The following OLFM2 variants were observed in gnomAD, a reference collection of about 807,000 sequenced individuals.
OLFM2 encodes noelin-2.
In OLFM2, 20 loss-of-function variants were observed where a neutral mutation model predicts 43.9. The observed-to-expected ratio is 0.46, with a 90% CI of 0.32 to 0.66. The LOEUF (loss-of-function observed/expected upper bound fraction) is 0.66, where lower values mean the gene tolerates loss of function less well. Ranked by LOEUF, OLFM2 falls within the 30% of genes least tolerant of loss-of-function variation. The probability of loss-of-function intolerance (pLI) is 0.04; values close to 1 mark genes in which losing one functional copy is unlikely to be tolerated. For missense variants in OLFM2, 416 were observed against 643.6 expected (o/e 0.65, Z 3.83); for synonymous variants, 268 against 278.6 (o/e 0.96, Z 0.38).
At chr19:9,916,339 A>G (rs1599499290) in intron 1 of OLFM2, among the ~76,000 whole-genome samples, 1 of 152,294 alleles carries the variant, frequency 6.6e-6, no homozygotes, top group East Asian at 1.9e-4. Context: ...CCTGGGCGAC[A>G]GACGAGTGAG....
chr19:9,888,159 G>A (rs182300109), intron 1 of OLFM2, among the ~76,000 whole-genome samples: 1 of 152,098 alleles, frequency 6.6e-6, no homozygotes, highest in East Asian at 1.9e-4. Flanking sequence ...CTTTGCACTG[G>A]CTATCCCCTC....
intron 1 of OLFM2, among the ~76,000 whole-genome samples, chr19:9,880,742 C>T (rs1278668339): frequency 1.3e-5 from 2 of 152,200 alleles, no homozygotes; most frequent in African/African-American, 2.4e-5. Flanking sequence ...TGATTTCAGA[C>T]TTCAAGCCTC....
intron 1 of OLFM2, among the ~76,000 whole-genome samples, chr19:9,923,391 C>T (rs1170935888): frequency 2.6e-5 from 4 of 151,608 alleles, no homozygotes; most frequent in Non-Finnish European, 4.4e-5. Context: ...CCTGTCTCTA[C>T]TAAAAATACA....
Position 9,919,789 on chromosome 19 carries a change from ATTTTT to A in OLFM2, c.63+16510_63+16514del, listed in dbSNP as rs750249042. Among the ~76,000 whole-genome samples, 280 of 90,574 alleles carry A rather than the reference ATTTTT, an allele frequency of 3.1e-3. 2 individuals carry two copies. The highest frequency in any genetic ancestry group is 0.013 in the African/African-American group (276 of 21,028). 59.4% of individuals were successfully genotyped at this position (90,574 alleles called of 152,430 possible). On this transcript the variant is annotated intron_variant, in intron 1 of 5. Transcript: ENST00000264833. The stretch of plus-strand genomic sequence containing the variant: ...AAGCCACCACACCTGGACCACTGCC[ATTTTT>A]TTTTTTTTTTTTTTTTTTGAGACAG...
chr19:9,931,772 TTGCC>T (rs2086484191), intron 1 of OLFM2, among the ~76,000 whole-genome samples: 1 of 152,078 alleles, frequency 6.6e-6, no homozygotes, highest in African/African-American at 2.4e-5. Flanking sequence ...TCTTGCTGTA[TTGCC>T]CAGGCTGGTC....
intron 1 of OLFM2, among the ~76,000 whole-genome samples, chr19:9,884,495 T>C (rs1394374485): frequency 6.6e-6 from 1 of 152,018 alleles, no homozygotes; most frequent in Non-Finnish European, 1.5e-5. Context: ...GAGAATCGCT[T>C]GAACCTGGGA....
chr19:9,897,039 A>C (rs553585795), intron 1 of OLFM2, among the ~76,000 whole-genome samples: 122 of 152,260 alleles, frequency 8.0e-4, no homozygotes, highest in African/African-American at 2.9e-3. Flanking sequence ...AAAAAATTAG[A>C]GGATGTGGGC....
chr19:9,859,454 C>A (rs924247037), intron 2 of OLFM2, among the ~76,000 whole-genome samples: 1 of 152,120 alleles, frequency 6.6e-6, no homozygotes, highest in Non-Finnish European at 1.5e-5. Context: ...GTAGGTGGGA[C>A]TACAGGCACA....
chr19:9,901,416 A>G (rs1485761344), intron 1 of OLFM2, among the ~76,000 whole-genome samples: 2 of 151,310 alleles, frequency 1.3e-5, no homozygotes, highest in Admixed American at 6.6e-5. Flanking sequence ...ACAGAGTGAG[A>G]CTCTGTCTCA....
chr19:9,926,124 G>A (rs945371688), intron 1 of OLFM2, among the ~76,000 whole-genome samples: 2 of 151,798 alleles, frequency 1.3e-5, no homozygotes, highest in African/African-American at 4.8e-5. Context: ...GTGATGGAGA[G>A]AGACCTCCTC....
chr19:9,867,809 C>T (rs944081726), intron 1 of OLFM2, among the ~76,000 whole-genome samples: 7 of 152,116 alleles, frequency 4.6e-5, no homozygotes, highest in African/African-American at 9.7e-5. Flanking sequence ...TTGTGGACAG[C>T]ATCTGATTGT....
intron 1 of OLFM2, among the ~76,000 whole-genome samples, chr19:9,888,465 G>A (rs938542324): frequency 1.1e-4 from 17 of 149,614 alleles, no homozygotes; most frequent in East Asian, 8.0e-4. Flanking sequence ...CGGAGGTTGC[G>A]GTGAGCTGAG....
At chr19:9,891,931 A>G (rs2046643228) in intron 1 of OLFM2, among the ~76,000 whole-genome samples, 2 of 152,196 alleles carry the variant, frequency 1.3e-5, no homozygotes. Flanking sequence ...AACTATGCAT[A>G]TGAATGTATA....
chr19:9,857,461 C>T lies in OLFM2; in HGVS notation c.382G>A (p.Glu128Lys), dbSNP rs1006248870. 1 of 1,613,820 alleles carries T rather than the reference C, an allele frequency of 6.2e-7. No homozygotes were observed. Among genetic ancestry groups the T allele is most frequent in the Non-Finnish European group, 8.5e-7 (1 of 1,180,034 alleles). Reference sequence around the variant, plus strand: ...AGGACCGAGCTCAGGGGCAACAGTTCCGTCATCCTGTCCTTCAGCTCCTGT... The same window carrying T: ...AGGACCGAGCTCAGGGGCAACAGTTTCGTCATCCTGTCCTTCAGCTCCTGT... ...SFQELKDRMT[E>K]LLPLSSVLEQ... The change falls in exon 4 of 6, where the codon GAA (glutamate) becomes AAA (lysine). Residue 128 changes from glutamate to lysine, a missense_variant. By Grantham distance (56) the Glu-to-Lys change is moderately conservative. Transcript: ENST00000264833. The surrounding 1 kb of genome is among the most constrained non-coding windows in gnomAD (Gnocchi z 5.7).
At chr19:9,866,497 C>CTTT (rs35368530) in intron 1 of OLFM2, among the ~76,000 whole-genome samples, 162 of 125,554 alleles carry the variant, frequency 1.3e-3, no homozygotes, top group South Asian at 3.7e-3. Context: ...AGCCAACCCA[C>CTTT]TTTTTTTTTT....
At chr19:9,879,032 T>C (rs2046516234) in intron 1 of OLFM2, among the ~76,000 whole-genome samples, 1 of 151,952 alleles carries the variant, frequency 6.6e-6, no homozygotes, top group South Asian at 2.1e-4. Flanking sequence ...CAAATTGTAA[T>C]CCCCAATGCT....
At chr19:9,861,982 T>G (rs1300162176) in intron 1 of OLFM2, among the ~76,000 whole-genome samples, 1 of 148,866 alleles carries the variant, frequency 6.7e-6, no homozygotes, top group African/African-American at 2.5e-5. Flanking sequence ...ACTGCGCCAC[T>G]GCGCTCCAGC....
Position 9,936,338 on chromosome 19 carries a change from AGCG to A in OLFM2, c.26_28del (p.Pro9del), listed in dbSNP as rs1476243446. ...CAGGCCTGAGCACAGCAGCAGCAGCAGCGGCGGCGGGACCGTGAGCGGCCACAT... is the reference window on the plus strand; with the variant it reads ...CAGGCCTGAGCACAGCAGCAGCAGCAGCGGCGGGACCGTGAGCGGCCACAT... On this transcript the variant is annotated inframe_deletion, in exon 1 of 6. Transcript: ENST00000264833. The A allele has an allele frequency of 8.0e-6, 12 of 1,503,514 alleles. No individual in the cohort carries two copies. The South Asian group carries it at 1.2e-4, about 15-fold the overall frequency. The allele number at this position is 1,503,514 out of a possible 1,614,324, so 93.1% of individuals were successfully genotyped here.
At chr19:9,907,058 G>A (rs965477410) in intron 1 of OLFM2, among the ~76,000 whole-genome samples, 2 of 152,162 alleles carry the variant, frequency 1.3e-5, no homozygotes, top group Admixed American at 6.5e-5. Context: ...GGGGTCACCC[G>A]GAGCTTGGGA....
Sources: allele counts gnomAD v4.1 joint callset (sites outside exome capture counted in the v4.1 genomes callset), GRCh38; gene constraint gnomAD v4.1.1; non-coding constraint Gnocchi (gnomAD v3.1); transcripts MANE v1.5; gene names NCBI Gene and HGNC (gene_info 2026-07-23, HGNC 2026-07-21).